LRP1B: variants seen among roughly 807,000 people sequenced by gnomAD.
LRP1B encodes low-density lipoprotein receptor-related protein 1B.
In LRP1B, 217 loss-of-function variants were observed where a neutral mutation model predicts 556.6. The observed-to-expected ratio is 0.39, with a 90% confidence interval of 0.35 to 0.44. The LOEUF (loss-of-function observed/expected upper bound fraction) is 0.44. LRP1B is among the 20% of genes least tolerant of loss of function. The pLI, the probability that LRP1B is intolerant of heterozygous loss-of-function variation, is 1.00. For missense variants in LRP1B, 5,053 were observed against 5,620.8 expected, an observed-to-expected ratio of 0.90 and a Z score of 3.23; for synonymous variants, 2,047 against 1,865.8, an observed-to-expected ratio of 1.10 and a Z score of -2.50.
At chr2:141,263,174 C>T (rs902985583) in intron 3 of LRP1B, among the ~76,000 whole-genome samples, 1 of 151,818 alleles carries the variant, frequency 6.6e-6, no homozygotes, top group Admixed American at 6.6e-5. Flanking sequence ...TTTCTATTGT[C>T]CATTGCTAGC....
intron 2 of LRP1B, among the ~76,000 whole-genome samples, chr2:141,683,808 C>T (rs1254970578): frequency 6.6e-6 from 1 of 152,104 alleles, no homozygotes; most frequent in Non-Finnish European, 1.5e-5. Context: ...TGTGGTTCCA[C>T]AACCTTTGCT....
chr2:142,088,424 T>TA (rs1706029574), intron 1 of LRP1B, among the ~76,000 whole-genome samples: 1 of 152,196 alleles, frequency 6.6e-6, no homozygotes, highest in Non-Finnish European at 1.5e-5. Flanking sequence ...AGAATAATTA[T>TA]ATGATTAATA....
intron 7 of LRP1B, among the ~76,000 whole-genome samples, chr2:141,105,195 G>T (rs1366793620): frequency 1.3e-5 from 2 of 151,942 alleles, no homozygotes; most frequent in Non-Finnish European, 2.9e-5. Context: ...ATGTCTCTAT[G>T]GCCCTCTTCA....
intron 3 of LRP1B, among the ~76,000 whole-genome samples, chr2:141,478,607 A>C (rs563120229): frequency 9.3e-4 from 141 of 151,338 alleles, no homozygotes; most frequent in African/African-American, 3.3e-3. Flanking sequence ...GCAATGACAT[A>C]ATCTTGGCTC....
chr2:141,951,181 T>G (rs1439555606), intron 1 of LRP1B, among the ~76,000 whole-genome samples: 4 of 152,190 alleles, frequency 2.6e-5, no homozygotes, highest in African/African-American at 9.6e-5. Context: ...TCCTTTATAT[T>G]TTTAAATCAC....
intron 88 of LRP1B, among the ~76,000 whole-genome samples, chr2:140,238,711 C>A (rs1390067824): frequency 6.6e-6 from 1 of 150,768 alleles, no homozygotes; most frequent in Non-Finnish European, 1.5e-5. Context: ...TTATTTTGTA[C>A]AAGTGCAAGT....
intron 43 of LRP1B, among the ~76,000 whole-genome samples, chr2:140,583,501 CTATT>C (rs1681863431): frequency 6.6e-6 from 1 of 151,838 alleles, no homozygotes; most frequent in Non-Finnish European, 1.5e-5. Context: ...ATGTGTAAAA[CTATT>C]TAGTTTTTCT....
intron 1 of LRP1B, among the ~76,000 whole-genome samples, chr2:142,051,340 G>T (rs1261273099): frequency 6.6e-6 from 1 of 151,956 alleles, no homozygotes; most frequent in East Asian, 1.9e-4. Flanking sequence ...TAGGAATATA[G>T]AGTACAAAAA....
chr2:141,710,587 C>A (rs1041621017), intron 2 of LRP1B, among the ~76,000 whole-genome samples: 1 of 152,070 alleles, frequency 6.6e-6, no homozygotes, highest in East Asian at 1.9e-4. Flanking sequence ...AGGACAAGAG[C>A]CATTCTGGAT....
chr2:141,789,472 T>A lies in LRP1B; in HGVS notation c.205+20807A>T, dbSNP rs546555098. ...TGTTTTATTGACCATATTAACAACA[T>A]GTAAGCTTGTTAGTGATTGCAAACC... On this transcript the variant is annotated intron_variant, in intron 2 of 90. Coordinates refer to ENST00000389484, the MANE Select transcript of LRP1B (RefSeq NM_018557.3). Among the ~76,000 whole-genome samples, 11 of 152,106 alleles carry A rather than the reference T, an allele frequency of 7.2e-5. No individual in the cohort carries two copies. The South Asian group carries it at 2.1e-3, about 29-fold the overall frequency.
chr2:140,438,676 T>A (rs1213783465), intron 66 of LRP1B, among the ~76,000 whole-genome samples: 2 of 152,232 alleles, frequency 1.3e-5, no homozygotes, highest in African/African-American at 4.8e-5. Context: ...CCCTAGTTAG[T>A]GTGATTATAG....
chr2:140,881,835 T>C (rs1477418114), intron 25 of LRP1B, among the ~76,000 whole-genome samples: 3 of 152,284 alleles, frequency 2.0e-5, no homozygotes, highest in South Asian at 2.1e-4. Flanking sequence ...TTTGGTATTT[T>C]CACTTAAATA....
chr2:140,421,969 T>C (rs1291368115), intron 66 of LRP1B, among the ~76,000 whole-genome samples: 2 of 152,230 alleles, frequency 1.3e-5, no homozygotes, highest in Non-Finnish European at 2.9e-5. Context: ...GAAATGTCAG[T>C]GGGTCTATAT....
At chr2:141,625,013 C>T (rs1459398839) in intron 2 of LRP1B, among the ~76,000 whole-genome samples, 1 of 152,138 alleles carries the variant, frequency 6.6e-6, no homozygotes, top group African/African-American at 2.4e-5. Context: ...CGTGATCCGC[C>T]CGCCTCAGCC....
intron 3 of LRP1B, among the ~76,000 whole-genome samples, chr2:141,275,001 A>C (rs1685230148): frequency 6.6e-6 from 1 of 152,162 alleles, no homozygotes; most frequent in African/African-American, 2.4e-5. Flanking sequence ...TTTGTCCTCC[A>C]CCAAAAAAGA....
At chr2:141,597,012 C>CAT (rs969840332) in intron 2 of LRP1B, among the ~76,000 whole-genome samples, 1 of 150,158 alleles carries the variant, frequency 6.7e-6, no homozygotes, top group Non-Finnish European at 1.5e-5. Context: ...TGTGTGTGTG[C>CAT]ATATATATAC....
intron 43 of LRP1B, among the ~76,000 whole-genome samples, chr2:140,590,297 T>C (rs1682165004): frequency 1.4e-5 from 2 of 147,868 alleles, no homozygotes; most frequent in African/African-American, 4.9e-5. Context: ...TATGCATATA[T>C]AATATATATT....
At chr2:141,282,487 A>ATGTATG (rs1685545347) in intron 3 of LRP1B, among the ~76,000 whole-genome samples, 1 of 150,548 alleles carries the variant, frequency 6.6e-6, no homozygotes, top group Non-Finnish European at 1.5e-5. Flanking sequence ...GTATATGTAT[A>ATGTATG]TGTATATGTA....
At chr2:141,557,857 G>A (rs919061580) in intron 2 of LRP1B, among the ~76,000 whole-genome samples, 2 of 151,874 alleles carry the variant, frequency 1.3e-5, no homozygotes, top group African/African-American at 2.4e-5. Flanking sequence ...GGACCTACAT[G>A]TGGGTACCAT....
Sources: gnomAD v4.1 joint callset for allele counts (sites outside exome capture counted in the v4.1 genomes callset) on GRCh38, gnomAD v4.1.1 for gene constraint, MANE v1.5 for transcripts, NCBI Gene and HGNC (gene_info 2026-07-23, HGNC 2026-07-21) for gene names.